The following IQCM variants were observed in gnomAD, a reference collection of about 807,000 sequenced individuals.
IQCM encodes IQ motif containing M, also known as IQ domain-containing protein M.
IQCM carries 45 observed loss-of-function variants against 57.6 expected under a neutral mutation model. That is an observed-to-expected ratio of 0.78 (90% CI 0.62 to 1.00). The LOEUF is 1.00. IQCM is among the 50% of genes least tolerant of loss of function. The probability of loss-of-function intolerance (pLI) is 0.00; values close to 1 mark genes in which losing one functional copy is unlikely to be tolerated. For synonymous variants in IQCM, 148 were observed against 158.9 expected, an observed-to-expected ratio of 0.93 and a Z score of 0.51; for missense variants, 468 against 511.6, an observed-to-expected ratio of 0.91 and a Z score of 0.82.
chr4:149,579,898 C>T (rs1259669731), intron 9 of IQCM, among the ~76,000 whole-genome samples: 2 of 151,740 alleles, frequency 1.3e-5, no homozygotes, highest in Non-Finnish European at 2.9e-5. Context: ...GCTCTATTAA[C>T]TAGCTAGTCA....
At chr4:149,594,175 T>C (rs1753522579) in intron 8 of IQCM, among the ~76,000 whole-genome samples, 1 of 152,132 alleles carries the variant, frequency 6.6e-6, no homozygotes. Context: ...TTCTTCCTGG[T>C]TTAGTCTTGG....
At chr4:149,657,201 T>G (rs1251525410) in intron 7 of IQCM, among the ~76,000 whole-genome samples, 3 of 152,132 alleles carry the variant, frequency 2.0e-5, no homozygotes, top group Non-Finnish European at 4.4e-5. Flanking sequence ...TAACCACTGT[T>G]CTACTATCTG....
At chr4:149,490,716 T>G (rs1321843521) in intron 12 of IQCM, among the ~76,000 whole-genome samples, 1 of 152,108 alleles carries the variant, frequency 6.6e-6, no homozygotes, top group Non-Finnish European at 1.5e-5. Context: ...GCTCCCATAG[T>G]GTACCTGGAA....
At chr4:149,496,666 G>T (rs2149785389) in intron 12 of IQCM, among the ~76,000 whole-genome samples, 1 of 152,190 alleles carries the variant, frequency 6.6e-6, no homozygotes, top group South Asian at 2.1e-4. Context: ...TTGATGCCTT[G>T]ATTTTAGGAC....
intron 7 of IQCM, among the ~76,000 whole-genome samples, chr4:149,642,559 A>G (rs969636054): frequency 2.0e-4 from 31 of 152,288 alleles, no homozygotes; most frequent in African/African-American, 7.2e-4. Context: ...TATTGCCTTC[A>G]TATATCTAAA....
At chr4:149,579,280 A>G (rs1751944758) in intron 9 of IQCM, among the ~76,000 whole-genome samples, 1 of 151,774 alleles carries the variant, frequency 6.6e-6, no homozygotes, top group African/African-American at 2.4e-5. Context: ...TCCCATGCTT[A>G]TGAGTGAGGA....
rs146972847 is a variant in IQCM, at chr4:149,512,863, T to C, written c.1228+35592A>G. On this transcript the variant is annotated intron_variant, in intron 12 of 13. Coordinates refer to ENST00000636793, the MANE Select transcript of IQCM (RefSeq NM_001363507.2). ...TGTCCTCTACCTACAGTATGATTGC[T>C]TGGATTTCTATGTGAATATAACAAA... Among the ~76,000 whole-genome samples, 440 of 152,352 alleles carry C rather than the reference T, an allele frequency of 2.9e-3. 1 individual carries two copies. Among genetic ancestry groups the C allele is most frequent in the Middle Eastern group, 6.8e-3 (2 of 294 alleles).
chr4:149,413,493 A>T (rs1179940921), intron 13 of IQCM, among the ~76,000 whole-genome samples: 1 of 152,182 alleles, frequency 6.6e-6, no homozygotes, highest in African/African-American at 2.4e-5. Flanking sequence ...AGAACCACAC[A>T]CACACTAGGA....
At chr4:149,509,176 G>A (rs1744147103) in intron 12 of IQCM, among the ~76,000 whole-genome samples, 1 of 152,124 alleles carries the variant, frequency 6.6e-6, no homozygotes, top group East Asian at 1.9e-4. Context: ...AATATGTTTT[G>A]CAGAAGCCAA....
chr4:149,434,452 G>C (rs2111282786), intron 12 of IQCM, among the ~76,000 whole-genome samples: 1 of 152,222 alleles, frequency 6.6e-6, no homozygotes, highest in East Asian at 1.9e-4. Flanking sequence ...AGGACTTAAA[G>C]TGATTCTGCC....
At chr4:149,523,126 C>T (rs1745825141) in intron 12 of IQCM, among the ~76,000 whole-genome samples, 1 of 152,122 alleles carries the variant, frequency 6.6e-6, no homozygotes, top group African/African-American at 2.4e-5. Flanking sequence ...CTCGTATCCT[C>T]ACATGGCAGA....
At chr4:149,564,501 T>C (rs1378836417) in intron 9 of IQCM, among the ~76,000 whole-genome samples, 1 of 152,172 alleles carries the variant, frequency 6.6e-6, no homozygotes, top group African/African-American at 2.4e-5. Flanking sequence ...TGAGTGTGTC[T>C]GTGAGGATGT....
At chr4:149,560,175 T>C (rs1477492086) in intron 10 of IQCM, among the ~76,000 whole-genome samples, 1 of 152,202 alleles carries the variant, frequency 6.6e-6, no homozygotes, top group African/African-American at 2.4e-5. Flanking sequence ...TTTTGTTCTT[T>C]TGAGATAATG....
intron 5 of IQCM, among the ~76,000 whole-genome samples, chr4:149,696,078 A>G (rs1763312395): frequency 6.6e-6 from 1 of 152,164 alleles, no homozygotes; most frequent in Admixed American, 6.5e-5. Context: ...ACTTCATAAC[A>G]AAATGTTTAG....
intron 2 of IQCM, among the ~76,000 whole-genome samples, chr4:149,744,829 GA>G (rs1327683404): frequency 2.6e-5 from 4 of 151,420 alleles, no homozygotes; most frequent in Non-Finnish European, 5.9e-5. Flanking sequence ...ATTTATTTCA[GA>G]AAAAAAAGCC....
intron 8 of IQCM, 124 bp downstream of exon 8, chr4:149,621,005 G>A (rs985455867): frequency 7.2e-6 from 3 of 416,932 alleles, no homozygotes; most frequent in Non-Finnish European, 8.2e-6. Context: ...GAATTTCAGT[G>A]GAGAACTATC....
chr4:149,649,552 TTTA>T (rs1441470215), intron 7 of IQCM, among the ~76,000 whole-genome samples: 12 of 152,292 alleles, frequency 7.9e-5, no homozygotes, highest in African/African-American at 2.9e-4. Context: ...TAGTTTATTT[TTTA>T]TTATTTCAAA....
At chr4:149,528,247 A>C (rs1746371420) in intron 12 of IQCM, among the ~76,000 whole-genome samples, 2 of 152,172 alleles carry the variant, frequency 1.3e-5, no homozygotes, top group South Asian at 2.1e-4. Flanking sequence ...TGGCCTCCCA[A>C]AGTGCTGGGA....
chr4:149,415,993 T>G (rs1733720489), intron 13 of IQCM, among the ~76,000 whole-genome samples: 1 of 152,102 alleles, frequency 6.6e-6, no homozygotes, highest in Admixed American at 6.6e-5. Flanking sequence ...ATGGCACATG[T>G]GCATATATGT....
Sources: gnomAD v4.1 joint callset for allele counts (sites outside exome capture counted in the v4.1 genomes callset) on GRCh38, gnomAD v4.1.1 for gene constraint, MANE v1.5 for transcripts, NCBI Gene and HGNC (gene_info 2026-07-23, HGNC 2026-07-21) for gene names.